Variants in ZNF277 observed in about 807,000 individuals in gnomAD.
ZNF277 encodes the protein zinc finger protein 277.
A neutral mutation model predicts 60.7 loss-of-function variants in ZNF277; 55 were observed. The observed-to-expected ratio is 0.91, with a 90% CI of 0.73 to 1.13. The LOEUF (loss-of-function observed/expected upper bound fraction) is 1.13. ZNF277 is among the 50% of genes most tolerant of loss of function. The pLI is 0.00. For missense variants in ZNF277, 510 were observed against 523.0 expected (o/e 0.98, Z 0.24); for synonymous variants, 178 against 179.3 (o/e 0.99, Z 0.06).
chr7:112,262,576 T>C (rs1791462346), intron 1 of ZNF277, among the ~76,000 whole-genome samples: 1 of 152,116 alleles, frequency 6.6e-6, no homozygotes. Flanking sequence ...AATATATAAA[T>C]AAAGGTAATT....
intron 4 of ZNF277, among the ~76,000 whole-genome samples, chr7:112,311,625 A>AT (rs1400471692): frequency 8.6e-5 from 13 of 151,792 alleles, no homozygotes; most frequent in Non-Finnish European, 8.8e-5. Flanking sequence ...GTGTCTCCTA[A>AT]TTTTTTTTAT....
intron 1 of ZNF277, among the ~76,000 whole-genome samples, chr7:112,249,043 A>G (rs113759151): frequency 1.3e-5 from 2 of 152,104 alleles, no homozygotes; most frequent in South Asian, 2.1e-4. Context: ...GTTAACTCCA[A>G]ATTCTACATG....
At chr7:112,206,831 C>T (rs1365147778) in intron 1 of ZNF277, 24 bp downstream of exon 1, 2 of 1,607,382 alleles carry the variant, frequency 1.2e-6, no homozygotes, top group Admixed American at 1.7e-5. Context: ...CCCGGAGGCG[C>T]GGCTGATGTG....
intron 1 of ZNF277, among the ~76,000 whole-genome samples, chr7:112,210,963 A>G (rs965346870): frequency 3.3e-5 from 5 of 152,194 alleles, no homozygotes; most frequent in African/African-American, 1.2e-4. Flanking sequence ...TACATTTAGG[A>G]GGCTTTTGTG....
chr7:112,218,080 T>C (rs1821933225), intron 1 of ZNF277, among the ~76,000 whole-genome samples: 1 of 152,198 alleles, frequency 6.6e-6, no homozygotes, highest in Admixed American at 6.5e-5. Context: ...ATAATAAAAC[T>C]CCAGTCTCCT....
At chr7:112,212,190 A>G (rs1821767114) in intron 1 of ZNF277, among the ~76,000 whole-genome samples, 1 of 152,258 alleles carries the variant, frequency 6.6e-6, no homozygotes, top group South Asian at 2.1e-4. Flanking sequence ...AATACTTTAG[A>G]TCTGGCCTTT....
At chr7:112,320,580 A>G (rs953511513) in intron 5 of ZNF277, among the ~76,000 whole-genome samples, 4 of 152,128 alleles carry the variant, frequency 2.6e-5, no homozygotes, top group African/African-American at 9.7e-5. Flanking sequence ...AGGATAGAGT[A>G]ATGAGTACTT....
intron 1 of ZNF277, among the ~76,000 whole-genome samples, chr7:112,254,660 A>G (rs914607493): frequency 6.6e-6 from 1 of 152,184 alleles, no homozygotes; most frequent in Non-Finnish European, 1.5e-5. Flanking sequence ...ATCTGTTATT[A>G]ACAAGTGTAA....
At chr7:112,264,392 T>C (rs1188972369) in intron 1 of ZNF277, among the ~76,000 whole-genome samples, 1 of 152,124 alleles carries the variant, frequency 6.6e-6, no homozygotes, top group East Asian at 1.9e-4. Context: ...AAGAAAATTA[T>C]CATTTAAAAA....
At chr7:112,211,847 G>A (rs765335791) in intron 1 of ZNF277, among the ~76,000 whole-genome samples, 13 of 152,198 alleles carry the variant, frequency 8.5e-5, no homozygotes, top group Non-Finnish European at 1.3e-4. Context: ...TGAACTTCTT[G>A]AGGTCAAGAG....
At chr7:112,236,674 C>A in intron 1 of ZNF277, among the ~76,000 whole-genome samples, 1 of 152,104 alleles carries the variant, frequency 6.6e-6, no homozygotes, top group South Asian at 2.1e-4. Context: ...TCATAAAATT[C>A]TACGAGTCCT....
intron 8 of ZNF277, among the ~76,000 whole-genome samples, chr7:112,337,159 A>G (rs1204986921): frequency 6.6e-6 from 1 of 152,212 alleles, no homozygotes; most frequent in Admixed American, 6.5e-5. Flanking sequence ...TAGTATTTCA[A>G]AAAGGGAAAT....
chr7:112,241,046 A>G (rs1329993605), intron 1 of ZNF277, among the ~76,000 whole-genome samples: 1 of 152,112 alleles, frequency 6.6e-6, no homozygotes, highest in East Asian at 1.9e-4. Context: ...TGAAGGAAAC[A>G]ATCAACAAAG....
chr7:112,238,601 C>CCAGGGAGGTGTTCGCGTCACCG lies in ZNF277; in HGVS notation c.91+31796_91+31797insGGGAGGTGTTCGCGTCACCGCA, dbSNP rs1790864632. Among the ~76,000 whole-genome samples the CCAGGGAGGTGTTCGCGTCACCG allele has an allele frequency of 4.0e-5, 6 of 151,786 alleles. No homozygotes were observed. In the South Asian group the frequency reaches 1.2e-3, roughly 32 times the overall value. ...TGGCCAGGGAGGTGTTCGCGTCACC[C>CCAGGGAGGTGTTCGCGTCACCG]CACCCCAACCCTATGCATCACAGTT... On this transcript the variant is annotated intron_variant, in intron 1 of 11. Transcript: ENST00000361822.
At chr7:112,270,552 G>C (rs889115611) in intron 1 of ZNF277, among the ~76,000 whole-genome samples, 6 of 152,034 alleles carry the variant, frequency 3.9e-5, no homozygotes, top group African/African-American at 9.7e-5. Flanking sequence ...ATTGTATTCT[G>C]ACATTATTCT....
chr7:112,313,144 G>C (rs1212684656), intron 4 of ZNF277, among the ~76,000 whole-genome samples: 3 of 151,982 alleles, frequency 2.0e-5, no homozygotes, highest in Non-Finnish European at 2.9e-5. Flanking sequence ...CTATACCAAT[G>C]TACTTCATTT....
At chr7:112,311,934 G>A (rs924462129) in intron 4 of ZNF277, among the ~76,000 whole-genome samples, 3 of 152,046 alleles carry the variant, frequency 2.0e-5, no homozygotes, top group Non-Finnish European at 4.4e-5. Context: ...GAATAAAGGT[G>A]CTAGGGCATA....
chr7:112,310,213 G>T (rs955527622), intron 4 of ZNF277, among the ~76,000 whole-genome samples: 1 of 151,908 alleles, frequency 6.6e-6, no homozygotes, highest in African/African-American at 2.4e-5. Flanking sequence ...GTCTTTTCTG[G>T]CATGGCCAGT....
At chr7:112,287,246 G>A in intron 2 of ZNF277, 172 bp downstream of exon 2, 2 of 627,958 alleles carry the variant, frequency 3.2e-6, no homozygotes, top group Non-Finnish European at 5.5e-6. Context: ...TCAATGGCAT[G>A]CACCTGTAGT....
Sources: gnomAD v4.1 joint callset for allele counts (sites outside exome capture counted in the v4.1 genomes callset) on GRCh38, gnomAD v4.1.1 for gene constraint, MANE v1.5 for transcripts, NCBI Gene and HGNC (gene_info 2026-07-23, HGNC 2026-07-21) for gene names.